RCAN2: variants seen among roughly 807,000 people sequenced by gnomAD.
RCAN2 encodes the protein regulator of calcineurin 2.
A neutral mutation model predicts 23.6 loss-of-function variants in RCAN2; 9 were observed. That is an observed-to-expected ratio of 0.38 (90% CI 0.23 to 0.67). The LOEUF (loss-of-function observed/expected upper bound fraction) is 0.67, where lower values mean the gene tolerates loss of function less well. Ranked by LOEUF, RCAN2 falls within the 30% of genes least tolerant of loss-of-function variation. RCAN2 has a pLI of 0.51. For missense variants in RCAN2, 273 were observed against 302.3 expected (o/e 0.90, Z 0.72); for synonymous variants, 109 against 115.7 (o/e 0.94, Z 0.37).
intron 2 of RCAN2, among the ~76,000 whole-genome samples, chr6:46,276,224 C>CAAAACAAAAA (rs1391906022): frequency 9.2e-5 from 14 of 151,796 alleles, no homozygotes; most frequent in Non-Finnish European, 1.5e-5. Context: ...AAAAACAAAA[C>CAAAACAAAAA]AAAACAAAAA....
intron 2 of RCAN2, among the ~76,000 whole-genome samples, chr6:46,276,078 C>T (rs1767688399): frequency 6.6e-6 from 1 of 152,080 alleles, no homozygotes; most frequent in South Asian, 2.1e-4. Flanking sequence ...TGGTGGTGTG[C>T]ACCTGTAGTG....
At chr6:46,402,260 A>G (rs918574414) in intron 2 of RCAN2, among the ~76,000 whole-genome samples, 2 of 152,064 alleles carry the variant, frequency 1.3e-5, no homozygotes, top group African/African-American at 2.4e-5. Context: ...TTGTATGTCC[A>G]GGTAAGTATA....
intron 2 of RCAN2, among the ~76,000 whole-genome samples, chr6:46,254,311 C>G (rs1001662819): frequency 1.3e-5 from 2 of 152,138 alleles, no homozygotes; most frequent in Non-Finnish European, 2.9e-5. Context: ...TGGGGAAAGA[C>G]AGGAGGTCTA....
intron 2 of RCAN2, among the ~76,000 whole-genome samples, chr6:46,332,466 C>T (rs957298614): frequency 1.5e-5 from 2 of 132,138 alleles, no homozygotes; most frequent in Non-Finnish European, 3.1e-5. Context: ...CCCCTCCCCC[C>T]ACCCCACAAC....
At chr6:46,414,328 A>C (rs923690464) in intron 2 of RCAN2, among the ~76,000 whole-genome samples, 1 of 152,206 alleles carries the variant, frequency 6.6e-6, no homozygotes, top group Non-Finnish European at 1.5e-5. Context: ...GTAAGTGCTT[A>C]AAGTTTTCAG....
chr6:46,467,929 G>A (rs1354267511), intron 1 of RCAN2, among the ~76,000 whole-genome samples: 6 of 152,202 alleles, frequency 3.9e-5, no homozygotes, highest in Non-Finnish European at 5.9e-5. Context: ...ATTAGGAGAA[G>A]ATGGACTGAC....
At chr6:46,314,925 G>A (rs1486504207) in intron 2 of RCAN2, among the ~76,000 whole-genome samples, 1 of 152,180 alleles carries the variant, frequency 6.6e-6, no homozygotes, top group African/African-American at 2.4e-5. Context: ...GCTGGGCATG[G>A]TGGTGTGTAC....
At chr6:46,424,419 A>G (rs1357057284) in intron 2 of RCAN2, among the ~76,000 whole-genome samples, 1 of 152,180 alleles carries the variant, frequency 6.6e-6, no homozygotes, top group African/African-American at 2.4e-5. Flanking sequence ...CCTCTGAAGC[A>G]AAGGGCATAA....
At chr6:46,383,449 C>A (rs1368699838) in intron 2 of RCAN2, among the ~76,000 whole-genome samples, 1 of 152,038 alleles carries the variant, frequency 6.6e-6, no homozygotes, top group Non-Finnish European at 1.5e-5. Context: ...CTTTTCAAAT[C>A]TTTCTTGTTG....
chr6:46,405,698 C>G (rs1020122556), intron 2 of RCAN2, among the ~76,000 whole-genome samples: 1 of 152,232 alleles, frequency 6.6e-6, no homozygotes, highest in Non-Finnish European at 1.5e-5. Context: ...GCCCAGCTGG[C>G]TTCACCTAGT....
intron 4 of RCAN2, among the ~76,000 whole-genome samples, chr6:46,238,590 G>T (rs192877382): frequency 6.6e-6 from 1 of 152,262 alleles, no homozygotes; most frequent in East Asian, 1.9e-4. Context: ...ACTTTGCTCT[G>T]TCACCTAGGC....
At chr6:46,385,294 A>C (rs1410475433) in intron 2 of RCAN2, among the ~76,000 whole-genome samples, 1 of 152,176 alleles carries the variant, frequency 6.6e-6, no homozygotes, top group Non-Finnish European at 1.5e-5. Flanking sequence ...AGCATTCTAC[A>C]ATACACCAAG....
At chr6:46,429,267 G>A (rs963391250) in intron 2 of RCAN2, among the ~76,000 whole-genome samples, 1 of 152,084 alleles carries the variant, frequency 6.6e-6, no homozygotes, top group African/African-American at 2.4e-5. Flanking sequence ...ACTTTTACAG[G>A]GTGTACTCTG....
At chr6:46,468,856 G>A (rs144691596) in intron 1 of RCAN2, 1 of 985,182 alleles carries the variant, frequency 1.0e-6, no homozygotes, top group African/African-American at 1.7e-5. Flanking sequence ...GATTCTCATT[G>A]TCTCCAGCTG....
At chr6:46,446,872 CT>C (rs1767725606) in intron 2 of RCAN2, among the ~76,000 whole-genome samples, 2 of 151,974 alleles carry the variant, frequency 1.3e-5, no homozygotes, top group African/African-American at 4.8e-5. Context: ...GCATAAGCCA[CT>C]ATAGAAAATC....
At chr6:46,468,225 T>C (rs1294550223) in intron 1 of RCAN2, among the ~76,000 whole-genome samples, 2 of 152,232 alleles carry the variant, frequency 1.3e-5, no homozygotes, top group African/African-American at 2.4e-5. Flanking sequence ...AAAGTCAACA[T>C]TGGTGTTAGG....
At chr6:46,451,295 A>T (rs1767877263) in intron 2 of RCAN2, among the ~76,000 whole-genome samples, 1 of 152,174 alleles carries the variant, frequency 6.6e-6, no homozygotes, top group African/African-American at 2.4e-5. Flanking sequence ...AATACTGGGC[A>T]CAGGGCTCAT....
intron 2 of RCAN2, among the ~76,000 whole-genome samples, chr6:46,301,124 T>C (rs1762892649): frequency 6.6e-6 from 1 of 152,006 alleles, no homozygotes; most frequent in South Asian, 2.1e-4. Context: ...AGTGCTAAAA[T>C]AGAGTAGGTG....
At chr6:46,426,039 C>A (rs957064175) in intron 2 of RCAN2, among the ~76,000 whole-genome samples, 2 of 151,758 alleles carry the variant, frequency 1.3e-5, no homozygotes, top group Non-Finnish European at 2.9e-5. Flanking sequence ...GCTAGGACTA[C>A]AGGTGCCCAC....
Sources: allele counts gnomAD v4.1 joint callset (sites outside exome capture counted in the v4.1 genomes callset), GRCh38; gene constraint gnomAD v4.1.1; transcripts MANE v1.5; gene names NCBI Gene and HGNC (gene_info 2026-07-23, HGNC 2026-07-21).